The following SZRD1 variants were observed in gnomAD, a reference collection of about 807,000 sequenced individuals.
SZRD1 encodes the protein SUZ RNA binding domain containing 1.
In SZRD1, 7 loss-of-function variants were observed where a neutral mutation model predicts 17.6. That is an observed-to-expected ratio of 0.40 (90% CI 0.23 to 0.75). The LOEUF (loss-of-function observed/expected upper bound fraction) is 0.75. Among genes scored for constraint, SZRD1 ranks in the 30% least tolerant of loss-of-function variants. The probability of loss-of-function intolerance (pLI) is 0.38; values close to 1 mark genes in which losing one functional copy is unlikely to be tolerated. For missense variants in SZRD1, 178 were observed against 201.8 expected, an observed-to-expected ratio of 0.88 and a Z score of 0.71; for synonymous variants, 77 against 77.9, an observed-to-expected ratio of 0.99 and a Z score of 0.06.
In SZRD1 at chr1:16,395,122, C is replaced by T; in HGVS notation, c.441C>T (p.Gly147=). 6.2e-7 allele frequency: 1 copy of T among 1,612,594 alleles called. No individual in the cohort carries two copies. Among genetic ancestry groups the T allele is most frequent in the Non-Finnish European group, 8.5e-7 (1 of 1,178,534 alleles). ...RQPLGPDGSQ[G]FKQRR The stretch of plus-strand genomic sequence containing the variant: ...CTTTGGGTCCTGATGGGTCTCAAGG[C>T]TTCAAACAGCGCAGATAAATGCAGG... The change falls in exon 4 of 4, where the codon GGC becomes GGT. Residue 147 remains glycine (G), a synonymous_variant. Transcript: ENST00000401088.
At chr1:16,368,601 G>A (rs1480715104) in intron 1 of SZRD1, among the ~76,000 whole-genome samples, 1 of 152,200 alleles carries the variant, frequency 6.6e-6, no homozygotes, top group African/African-American at 2.4e-5. Context: ...GCTTAAGAAA[G>A]TTAAAGATTT....
chr1:16,384,375 C>CA (rs58963543), intron 1 of SZRD1, among the ~76,000 whole-genome samples: 13,937 of 110,906 alleles, frequency 0.13, 740 homozygotes, highest in Non-Finnish European at 0.15. Context: ...CCGTCTCCAC[C>CA]AAAAAAAAAA....
chr1:16,378,392 C>A (rs888011845), intron 1 of SZRD1, among the ~76,000 whole-genome samples: 2 of 147,586 alleles, frequency 1.4e-5, no homozygotes, highest in Non-Finnish European at 3.0e-5. Context: ...TGAGCAAATT[C>A]TCCTGCCTCA....
chr1:16,387,497 G>A (rs557514361), intron 1 of SZRD1: 5 of 456,496 alleles, frequency 1.1e-5, no homozygotes, highest in Non-Finnish European at 1.8e-5. Flanking sequence ...TTTCTTCTGC[G>A]CTAGATCTGG....
chr1:16,371,550 C>T (rs1443572790), intron 1 of SZRD1, among the ~76,000 whole-genome samples: 5 of 151,628 alleles, frequency 3.3e-5, no homozygotes, highest in African/African-American at 1.2e-4. Flanking sequence ...CAAGCTCCGC[C>T]TCCCGGGTTC....
chr1:16,370,383 C>G (rs1437487199), intron 1 of SZRD1, among the ~76,000 whole-genome samples: 1 of 151,776 alleles, frequency 6.6e-6, no homozygotes, highest in Non-Finnish European at 1.5e-5. Context: ...CATGCTACCA[C>G]GCCCAGCTAA....
chr1:16,388,879 C>A (rs1570038850), intron 1 of SZRD1, among the ~76,000 whole-genome samples: 1 of 151,520 alleles, frequency 6.6e-6, no homozygotes, highest in East Asian at 1.9e-4. Context: ...AACTCCTGAC[C>A]CCAAGTGATC....
At position 16,391,367 on chromosome 1, in the gene SZRD1, T is replaced by C. The variant is rs1557631145; in HGVS notation, c.52-8T>C. 2 of 1,538,812 alleles carry C rather than the reference T, an allele frequency of 1.3e-6. No homozygotes were observed. Among genetic ancestry groups the C allele is most frequent in the Non-Finnish European group, 1.8e-6 (2 of 1,138,126 alleles). On this transcript the variant is annotated splice_polypyrimidine_tract_variant and splice_region_variant and intron_variant, in intron 1 of 3. Transcript: ENST00000401088. This position sits in a 1 kb window ranked among gnomAD's most constrained non-coding sequence, Gnocchi z 4.3. ...TTTCCTCTTTTTATATACATTTTTT[T>C]CCTCTAGGAAATAGACAGACGGTTG...
intron 3 of SZRD1, among the ~76,000 whole-genome samples, chr1:16,394,204 A>G (rs1025301916): frequency 6.6e-6 from 1 of 152,108 alleles, no homozygotes; most frequent in Non-Finnish European, 1.5e-5. Context: ...AGCTCTTCAT[A>G]ATTTTGAAGA....
At chr1:16,387,982 T>G (rs1193214325) in intron 1 of SZRD1, among the ~76,000 whole-genome samples, 1 of 152,186 alleles carries the variant, frequency 6.6e-6, no homozygotes, top group Non-Finnish European at 1.5e-5. Context: ...TTATTATTGG[T>G]GTACCTTTTC....
chr1:16,374,685 A>G (rs2082969845), intron 1 of SZRD1, among the ~76,000 whole-genome samples: 1 of 152,178 alleles, frequency 6.6e-6, no homozygotes, highest in South Asian at 2.1e-4. Flanking sequence ...GTTGGCCCCG[A>G]CAGCTAGCAT....
chr1:16,393,504 G>T lies in SZRD1; in HGVS notation c.356+22G>T. 1 of 1,585,330 alleles carries T rather than the reference G, an allele frequency of 6.3e-7. No homozygotes were observed. The highest frequency in any genetic ancestry group is 2.3e-5 in the East Asian group (1 of 43,154). Reference sequence around the variant, plus strand: ...ACAGGTGAGTGTGGCTGGCAGGGCCGGCCAGTGATGGCTGTCCCAGTCCAC... The same window carrying T: ...ACAGGTGAGTGTGGCTGGCAGGGCCTGCCAGTGATGGCTGTCCCAGTCCAC... On this transcript the variant is annotated intron_variant, in intron 3 of 3. Transcript: ENST00000401088. This position sits in a 1 kb window ranked among gnomAD's most constrained non-coding sequence, Gnocchi z 5.6.
At chr1:16,386,971 T>C (rs1053468810) in intron 1 of SZRD1, 1 of 216,986 alleles carries the variant, frequency 4.6e-6, no homozygotes, top group African/African-American at 2.4e-5. Context: ...GGGCTGTCTC[T>C]GTGGTTTACT....
At chr1:16,385,050 C>A (rs1347540915) in intron 1 of SZRD1, among the ~76,000 whole-genome samples, 9 of 152,208 alleles carry the variant, frequency 5.9e-5, no homozygotes, top group Non-Finnish European at 1.0e-4. Context: ...TAAATGGTAA[C>A]CTTGTTGCCA....
intron 1 of SZRD1, chr1:16,369,031 A>C: frequency 4.5e-6 from 1 of 219,948 alleles, no homozygotes; most frequent in Non-Finnish European, 8.8e-6. Context: ...GAATAAGCCT[A>C]GAGATGTGAG....
chr1:16,383,298 G>A (rs1383297405), intron 1 of SZRD1, among the ~76,000 whole-genome samples: 1 of 150,848 alleles, frequency 6.6e-6, no homozygotes, highest in Non-Finnish European at 1.5e-5. Flanking sequence ...GCTCACTGCT[G>A]CCTCAAACTC....
At chr1:16,371,448 C>T (rs2082911494) in intron 1 of SZRD1, among the ~76,000 whole-genome samples, 1 of 131,210 alleles carries the variant, frequency 7.6e-6, no homozygotes, top group Non-Finnish European at 1.6e-5. Flanking sequence ...CCTTTTTTTT[C>T]CTTTTTTTTT....
intron 1 of SZRD1, among the ~76,000 whole-genome samples, chr1:16,376,449 G>A (rs1288917300): frequency 6.6e-6 from 1 of 152,188 alleles, no homozygotes; most frequent in Non-Finnish European, 1.5e-5. Context: ...GATGCTGGTC[G>A]AAATCTTGAT....
chr1:16,385,589 T>G (rs1247080082), intron 1 of SZRD1, among the ~76,000 whole-genome samples: 1 of 152,200 alleles, frequency 6.6e-6, no homozygotes, highest in Non-Finnish European at 1.5e-5. Context: ...AACCTACCAC[T>G]GTAATCTGCT....
Sources: gnomAD v4.1 joint callset for allele counts (sites outside exome capture counted in the v4.1 genomes callset) on GRCh38, gnomAD v4.1.1 for gene constraint, Gnocchi (gnomAD v3.1) non-coding constraint, MANE v1.5 for transcripts, NCBI Gene and HGNC (gene_info 2026-07-23, HGNC 2026-07-21) for gene names.